Variants in NCKAP5 observed in about 807,000 individuals in gnomAD.
The protein encoded by NCKAP5 is nck-associated protein 5.
NCKAP5 carries 92 observed loss-of-function variants against 167.0 expected under a neutral mutation model. That is an observed-to-expected ratio of 0.55 (90% CI 0.47 to 0.66). The LOEUF (loss-of-function observed/expected upper bound fraction) is 0.66, where lower values mean the gene tolerates loss of function less well. Ranked by LOEUF, NCKAP5 falls within the 30% of genes least tolerant of loss-of-function variation. NCKAP5 has a pLI of 0.00. For missense variants in NCKAP5, 2,378 were observed against 2,315.0 expected (o/e 1.03, Z -0.56); for synonymous variants, 891 against 877.4 (o/e 1.02, Z -0.27).
intron 7 of NCKAP5, among the ~76,000 whole-genome samples, chr2:132,982,824 T>C (rs967804577): frequency 6.6e-6 from 1 of 152,250 alleles, no homozygotes; most frequent in African/African-American, 2.4e-5. Flanking sequence ...ACTGCATCCA[T>C]GTTGCTGCAA....
chr2:132,737,938 T>C (rs1691676973), intron 16 of NCKAP5, among the ~76,000 whole-genome samples: 1 of 152,236 alleles, frequency 6.6e-6, no homozygotes, highest in African/African-American at 2.4e-5. Flanking sequence ...CGTCTGACTC[T>C]ATCACCAGTG....
chr2:132,734,075 G>C (rs539733210), intron 16 of NCKAP5, among the ~76,000 whole-genome samples: 7 of 152,292 alleles, frequency 4.6e-5, no homozygotes, highest in Admixed American at 4.6e-4. Flanking sequence ...AGGATTACAA[G>C]GGTTTTAGCC....
At chr2:132,737,760 C>A (rs1691654291) in intron 16 of NCKAP5, among the ~76,000 whole-genome samples, 1 of 152,180 alleles carries the variant, frequency 6.6e-6, no homozygotes, top group Non-Finnish European at 1.5e-5. Context: ...GCAAGAGGCA[C>A]ACTGTTATAA....
chr2:133,457,298 T>C (rs1027522808), intron 3 of NCKAP5, among the ~76,000 whole-genome samples: 1 of 152,182 alleles, frequency 6.6e-6, no homozygotes, highest in Non-Finnish European at 1.5e-5. Context: ...TTTAAGATAA[T>C]GGCTTCCAGT....
At chr2:133,420,558 A>G (rs1041768829) in intron 3 of NCKAP5, among the ~76,000 whole-genome samples, 4 of 152,224 alleles carry the variant, frequency 2.6e-5, no homozygotes, top group Non-Finnish European at 1.5e-5. Flanking sequence ...CTCTGAGAAT[A>G]GTACACTTTA....
intron 5 of NCKAP5, among the ~76,000 whole-genome samples, chr2:133,173,636 T>A (rs1252503442): frequency 6.6e-6 from 1 of 152,190 alleles, no homozygotes; most frequent in African/African-American, 2.4e-5. Flanking sequence ...AAATTCCCAC[T>A]TTTCCTTGTC....
chr2:133,470,268 C>G (rs897770551), intron 3 of NCKAP5, among the ~76,000 whole-genome samples: 2 of 151,746 alleles, frequency 1.3e-5, no homozygotes, highest in Admixed American at 1.3e-4. Context: ...GAATACCCTG[C>G]CGTGTGAGGT....
chr2:133,137,406 TTGTGTGTGTG>T (rs58955655), intron 5 of NCKAP5, among the ~76,000 whole-genome samples: 65 of 136,300 alleles, frequency 4.8e-4, no homozygotes, highest in East Asian at 1.9e-3. Flanking sequence ...GAGCTTGGTT[TTGTGTGTGTG>T]TGTGTGTGTG....
At chr2:133,214,063 A>C (rs910079585) in intron 4 of NCKAP5, among the ~76,000 whole-genome samples, 1 of 152,148 alleles carries the variant, frequency 6.6e-6, no homozygotes, top group African/African-American at 2.4e-5. Context: ...TCACAAATAA[A>C]TTTTTCATGG....
chr2:132,830,187 C>T (rs1348539538), intron 11 of NCKAP5, among the ~76,000 whole-genome samples: 1 of 152,164 alleles, frequency 6.6e-6, no homozygotes. Context: ...ACAAATCATT[C>T]TCATGCTAGT....
intron 19 of NCKAP5, among the ~76,000 whole-genome samples, chr2:132,676,614 T>C (rs1684532735): frequency 6.6e-6 from 1 of 152,176 alleles, no homozygotes; most frequent in South Asian, 2.1e-4. Context: ...TAAGGAGGGA[T>C]TGAGGTGAAA....
At chr2:133,412,180 A>G (rs75257230) in intron 3 of NCKAP5, among the ~76,000 whole-genome samples, 3,608 of 152,230 alleles carry the variant, frequency 0.024, 69 homozygotes, top group Non-Finnish European at 0.037. Flanking sequence ...GCGAGGATAG[A>G]GCCCTCATGA....
chr2:132,709,145 AC>A (rs1688622177), intron 19 of NCKAP5, among the ~76,000 whole-genome samples: 1 of 141,200 alleles, frequency 7.1e-6, no homozygotes, highest in Non-Finnish European at 1.5e-5. Flanking sequence ...CATAATATCT[AC>A]ACCCCCCCAC....
chr2:132,848,196 AC>A (rs1029650416), intron 11 of NCKAP5, among the ~76,000 whole-genome samples: 15 of 152,344 alleles, frequency 9.8e-5, no homozygotes, highest in Admixed American at 3.3e-4. Flanking sequence ...CAAAAAGGGT[AC>A]CCAAGAACAT....
the NCKAP5 span, among the ~76,000 whole-genome samples, chr2:133,616,436 T>C: frequency 6.6e-6 from 1 of 151,038 alleles, no homozygotes; most frequent in Non-Finnish European, 1.5e-5. Flanking sequence ...GAGAGAAGAA[T>C]CAAATAGATG....
chr2:132,715,401 T>C (rs1218391102), intron 19 of NCKAP5, among the ~76,000 whole-genome samples: 5 of 152,202 alleles, frequency 3.3e-5, no homozygotes, highest in Non-Finnish European at 7.3e-5. Flanking sequence ...AATGTCTCTA[T>C]GTGCTTTCGA....
At chr2:132,722,941 G>A (rs1354846958) in intron 19 of NCKAP5, among the ~76,000 whole-genome samples, 2 of 151,628 alleles carry the variant, frequency 1.3e-5, no homozygotes, top group African/African-American at 2.4e-5. Flanking sequence ...TTCCTCTCCC[G>A]AGTAGCTGGA....
chr2:133,533,514 G>A (rs373025607), intron 2 of NCKAP5, among the ~76,000 whole-genome samples: 6 of 152,272 alleles, frequency 3.9e-5, no homozygotes, highest in African/African-American at 1.4e-4. Context: ...AAAACCCCAA[G>A]AAGAAGAGAA....
At chr2:133,376,997 G>A (rs1461046648) in intron 3 of NCKAP5, among the ~76,000 whole-genome samples, 1 of 152,154 alleles carries the variant, frequency 6.6e-6, no homozygotes, top group Non-Finnish European at 1.5e-5. Flanking sequence ...AGGAAAAAAT[G>A]TCTGAGGTAT....
Sources: allele counts gnomAD v4.1 joint callset (sites outside exome capture counted in the v4.1 genomes callset), GRCh38; gene constraint gnomAD v4.1.1; transcripts MANE v1.5; gene names NCBI Gene and HGNC (gene_info 2026-07-23, HGNC 2026-07-21).